Variants in RPN1 observed in about 807,000 individuals in gnomAD.
RPN1 encodes ribophorin I, also known as dolichyl-diphosphooligosaccharide--protein glycosyltransferase subunit 1.
In RPN1, 12 loss-of-function variants were observed where a neutral mutation model predicts 55.5. That is an observed-to-expected ratio of 0.22 (90% CI 0.14 to 0.35). The LOEUF (loss-of-function observed/expected upper bound fraction) is 0.35, where lower values mean the gene tolerates loss of function less well. Among genes scored for constraint, RPN1 ranks in the 10% least tolerant of loss-of-function variants. The pLI is 1.00. For missense variants in RPN1, 679 were observed against 761.3 expected, an observed-to-expected ratio of 0.89 and a Z score of 1.27; for synonymous variants, 317 against 305.9, an observed-to-expected ratio of 1.04 and a Z score of -0.38.
rs1340986204 is a variant in RPN1 at position 128,650,771 on chromosome 3, C to A, written c.30G>T (p.Leu10=). 1 of 1,542,900 alleles carries A rather than the reference C, an allele frequency of 6.5e-7. No individual in the cohort carries two copies. The highest frequency in any genetic ancestry group is 8.8e-7 in the Non-Finnish European group (1 of 1,142,518). The change falls in exon 1 of 10, where the codon CTG becomes CTT. Residue 10 remains leucine (L), a synonymous_variant. Coordinates refer to ENST00000296255, the MANE Select transcript of RPN1 (RefSeq NM_002950.4). MEAPAAGLF[L]LLLLGTWAPA... ...GGGCCCAAGTCCCAAGCAACAGGAG[C>A]AGAAACAAGCCGGCGGCTGGCGCCT...
chr3:128,637,841 T>C lies in RPN1; in HGVS notation c.591A>G (p.Leu197=), dbSNP rs1204728436. Residue 197 remains leucine (L), a synonymous_variant, in exon 3 of 10, where the codon CTA becomes CTG. Coordinates refer to ENST00000296255, the MANE Select transcript of RPN1 (RefSeq NM_002950.4). Reference sequence around the variant, plus strand: ...CATCTCTGAAAGGCCCATAATCCAGTAGGTCCTCAGAGCGCGTGGGGTTCC... The same window carrying C: ...CATCTCTGAAAGGCCCATAATCCAGCAGGTCCTCAGAGCGCGTGGGGTTCC... ...KLGNPTRSED[L]LDYGPFRDVP... The C allele has an allele frequency of 3.1e-6, 5 of 1,613,670 alleles. No homozygotes were observed. Among genetic ancestry groups the C allele is most frequent in the Admixed American group, 1.7e-5 (1 of 60,004 alleles).
intron 2 of RPN1, among the ~76,000 whole-genome samples, chr3:128,638,741 G>C (rs1007514242): frequency 1.2e-4 from 18 of 152,182 alleles, no homozygotes; most frequent in Admixed American, 6.5e-4. Context: ...CAAGTCAGGT[G>C]AATTTCCTGA....
Position 128,622,260 on chromosome 3 carries a change from G to A in RPN1, c.1545C>T (p.Gly515=), listed in dbSNP as rs2069565637. The change falls in exon 9 of 10, where the codon GGC becomes GGT. Residue 515 remains glycine (G), a synonymous_variant. Transcript: ENST00000296255. ...TGTGTTCAGTCTCCAGGCTCTTCTTGCCACTGTTGAGGGTGGAGATGTCCC... is the reference window on the plus strand; with the variant it reads ...TGTGTTCAGTCTCCAGGCTCTTCTTACCACTGTTGAGGGTGGAGATGTCCC... The part of the protein sequence containing the change: ...QSRDISTLNS[G]KKSLETEHKA... The A allele has an allele frequency of 6.2e-7, 1 of 1,614,230 alleles. No homozygotes were observed. The highest frequency in any genetic ancestry group is 2.2e-5 in the East Asian group (1 of 44,888).
chr3:128,627,025 G>T (rs1560021128), intron 5 of RPN1, 193 bp from the exon 6 acceptor site: 2 of 574,758 alleles, frequency 3.5e-6, no homozygotes, highest in Non-Finnish European at 6.2e-6. Context: ...AGGGATGGGG[G>T]TCAAAACACC....
intron 5 of RPN1, 61 bp from the exon 6 acceptor site, chr3:128,626,893 A>T: frequency 1.4e-6 from 2 of 1,467,414 alleles, no homozygotes; most frequent in Non-Finnish European, 1.9e-6. Context: ...GCAGGAGAGA[A>T]AGAAGTACAG....
At chr3:128,622,652 T>C (rs904074486) in intron 8 of RPN1, among the ~76,000 whole-genome samples, 1 of 152,030 alleles carries the variant, frequency 6.6e-6, no homozygotes, top group African/African-American at 2.4e-5. Flanking sequence ...CCCAGCACTT[T>C]GGGAGGCCAA....
intron 8 of RPN1, among the ~76,000 whole-genome samples, chr3:128,623,941 AG>A (rs2069579338): frequency 6.6e-6 from 1 of 152,048 alleles, no homozygotes; most frequent in Non-Finnish European, 1.5e-5. Context: ...TCAAGGGTAA[AG>A]GGGCACAACG....
intron 2 of RPN1, among the ~76,000 whole-genome samples, chr3:128,639,745 G>A (rs1371991986): frequency 2.6e-5 from 4 of 151,604 alleles, no homozygotes; most frequent in African/African-American, 4.8e-5. Context: ...CCGCCACCAC[G>A]CCCAGCTAAT....
In RPN1 at chr3:128,650,630, G is replaced by A. The variant is rs1333701016; in HGVS notation, c.171C>T (p.His57=). 2 of 1,554,432 alleles carry A rather than the reference G, an allele frequency of 1.3e-6. No individual in the cohort carries two copies. Among genetic ancestry groups the A allele is most frequent in the Non-Finnish European group, 1.7e-6 (2 of 1,149,010 alleles). The change falls in exon 1 of 10, where the codon CAC becomes CAT. Residue 57 remains histidine, a synonymous_variant. Transcript: ENST00000296255. ...CTCGGGACGTGGAGCCGCCGCCCAGGTGCGCCAGGACCACCTCGGCCGTCA... is the reference window on the plus strand; with the variant it reads ...CTCGGGACGTGGAGCCGCCGCCCAGATGCGCCAGGACCACCTCGGCCGTCA... ...AKVTAEVVLA[H]LGGGSTSRAT...
At chr3:128,620,632 C>A in intron 9 of RPN1, 39 bp from the exon 10 acceptor site, 1 of 1,590,514 alleles carries the variant, frequency 6.3e-7, no homozygotes, top group Admixed American at 1.7e-5. Context: ...TGTGAGCTGT[C>A]CTCCCACCCC....
At chr3:128,633,430 GT>G (rs1210797145) in intron 3 of RPN1, among the ~76,000 whole-genome samples, 4 of 151,590 alleles carry the variant, frequency 2.6e-5, no homozygotes, top group Non-Finnish European at 2.9e-5. Context: ...ATTTCACCAT[GT>G]TCCCCAAGCT....
intron 1 of RPN1, among the ~76,000 whole-genome samples, chr3:128,645,494 C>A (rs930356680): frequency 7.9e-5 from 12 of 151,714 alleles, no homozygotes; most frequent in African/African-American, 2.9e-4. Flanking sequence ...GGCATAAAAC[C>A]GCTATAAATG....
Position 128,649,526 on chromosome 3 carries a change from T to C in RPN1, c.261+1014A>G, listed in dbSNP as rs76816092. Among the ~76,000 whole-genome samples, 176 of 152,376 alleles carry C rather than the reference T, an allele frequency of 1.2e-3. 3 individuals carry two copies. In the East Asian group the frequency reaches 0.022, roughly 19 times the overall value. Reference sequence around the variant, plus strand: ...GAAACGTAATCTCTATAAACCCATCTTTATAGCTCCATATTCAGTCAGAGA... The same window carrying C: ...GAAACGTAATCTCTATAAACCCATCCTTATAGCTCCATATTCAGTCAGAGA... On this transcript the variant is annotated intron_variant, in intron 1 of 9. Coordinates refer to ENST00000296255, the MANE Select transcript of RPN1 (RefSeq NM_002950.4).
At chr3:128,625,346 G>A (rs143532770) in intron 8 of RPN1, among the ~76,000 whole-genome samples, 188 bp downstream of exon 8, 73 of 152,198 alleles carry the variant, frequency 4.8e-4, no homozygotes, top group African/African-American at 1.6e-3. Flanking sequence ...ACAGAAGCAG[G>A]GACTTAACCT....
chr3:128,622,264 C>T lies in RPN1; in HGVS notation c.1541G>A (p.Ser514Asn). ...KQSRDISTLN[S>N]GKKSLETEHK... ...TTCAGTCTCCAGGCTCTTCTTGCCA[C>T]TGTTGAGGGTGGAGATGTCCCGGGA... Residue 514 changes from serine (S) to asparagine (N), a missense_variant, in exon 9 of 10, where the codon AGT becomes AAT. Ser to Asn is a conservative substitution (Grantham distance 46). Coordinates refer to ENST00000296255, the MANE Select transcript of RPN1 (RefSeq NM_002950.4). The T allele has an allele frequency of 1.2e-6, 2 of 1,614,222 alleles. No homozygotes were observed. Among genetic ancestry groups the T allele is most frequent in the Non-Finnish European group, 1.7e-6 (2 of 1,180,034 alleles).
At chr3:128,627,481 T>A (rs2069607792) in intron 5 of RPN1, among the ~76,000 whole-genome samples, 1 of 152,054 alleles carries the variant, frequency 6.6e-6, no homozygotes, top group South Asian at 2.1e-4. Flanking sequence ...AAGGTCACAT[T>A]AAAAATGATC....
chr3:128,649,661 C>T lies in RPN1; in HGVS notation c.261+879G>A, dbSNP rs556295135. ...ACAACAATAGTAATAAAAACCAAAC[C>T]TCTGTGTATGTACATTCCCTTTACT... On this transcript the variant is annotated intron_variant, in intron 1 of 9. Transcript: ENST00000296255. Among the ~76,000 whole-genome samples, 87 of 152,216 alleles carry T rather than the reference C, an allele frequency of 5.7e-4. 1 individual carries two copies. The highest frequency in any genetic ancestry group is 2.0e-3 in the African/African-American group (85 of 41,538).
intron 3 of RPN1, among the ~76,000 whole-genome samples, chr3:128,632,996 G>C (rs1253464140): frequency 6.6e-6 from 1 of 152,164 alleles, no homozygotes; most frequent in East Asian, 1.9e-4. Context: ...AAAAGGACAA[G>C]ATCTATTTTG....
At chr3:128,631,365 CTACTCGGGAGGCT>C (rs1240184163) in intron 4 of RPN1, among the ~76,000 whole-genome samples, 1 of 151,562 alleles carries the variant, frequency 6.6e-6, no homozygotes, top group Non-Finnish European at 1.5e-5. Flanking sequence ...GTAATCCCAG[CTACTCGGGAGGCT>C]GAGGCGGGAG....
Sources: gnomAD v4.1 joint callset for allele counts (sites outside exome capture counted in the v4.1 genomes callset) on GRCh38, gnomAD v4.1.1 for gene constraint, MANE v1.5 for transcripts, NCBI Gene and HGNC (gene_info 2026-07-23, HGNC 2026-07-21) for gene names.